Variants in GRID1 observed in about 807,000 individuals in gnomAD.
The protein encoded by GRID1 is glutamate receptor ionotropic, delta-1.
GRID1 carries 28 observed loss-of-function variants against 98.0 expected under a neutral mutation model. The observed-to-expected ratio is 0.29, with a 90% CI of 0.21 to 0.39. GRID1 has a LOEUF of 0.39. GRID1 is among the 10% of genes least tolerant of loss of function. The probability of loss-of-function intolerance (pLI) is 1.00; values close to 1 mark genes in which losing one functional copy is unlikely to be tolerated. For synonymous variants in GRID1, 553 were observed against 538.5 expected, an observed-to-expected ratio of 1.03 and a Z score of -0.37; for missense variants, 1,111 against 1,340.5, an observed-to-expected ratio of 0.83 and a Z score of 2.67.
chr10:85,664,566 G>A (rs1187566636), intron 12 of GRID1, among the ~76,000 whole-genome samples: 1 of 152,174 alleles, frequency 6.6e-6, no homozygotes, highest in Non-Finnish European at 1.5e-5. Context: ...GCCAAAATTA[G>A]CTGTGCTTGG....
chr10:86,018,841 C>T (rs1322219952), intron 4 of GRID1, among the ~76,000 whole-genome samples: 1 of 152,224 alleles, frequency 6.6e-6, no homozygotes, highest in African/African-American at 2.4e-5. Context: ...TTTAACACCA[C>T]CCATACAATA....
intron 3 of GRID1, among the ~76,000 whole-genome samples, chr10:86,191,167 G>A (rs1325950895): frequency 6.6e-6 from 1 of 152,172 alleles, no homozygotes; most frequent in Non-Finnish European, 1.5e-5. Flanking sequence ...CTGTCCAGAG[G>A]GAGGGAGAAA....
chr10:86,017,929 T>C (rs1188885354), intron 4 of GRID1, among the ~76,000 whole-genome samples: 1 of 152,206 alleles, frequency 6.6e-6, no homozygotes, highest in African/African-American at 2.4e-5. Flanking sequence ...GCCCCATCTC[T>C]GAGCCCAACA....
At chr10:86,091,293 G>A (rs1321280191) in intron 4 of GRID1, among the ~76,000 whole-genome samples, 1 of 152,184 alleles carries the variant, frequency 6.6e-6, no homozygotes, top group Non-Finnish European at 1.5e-5. Context: ...GGCTATTGTG[G>A]CGGGCACCGT....
At chr10:86,364,131 C>T (rs529422220) in intron 1 of GRID1, 35 bp from the exon 2 acceptor site, 2 of 1,591,816 alleles carry the variant, frequency 1.3e-6, no homozygotes, top group Admixed American at 3.4e-5. Flanking sequence ...CGGACCTGGA[C>T]AAGAACCCTC....
chr10:86,149,673 T>C (rs1028961844), intron 3 of GRID1, among the ~76,000 whole-genome samples: 3 of 152,276 alleles, frequency 2.0e-5, no homozygotes, highest in African/African-American at 7.2e-5. Context: ...ATTAAGTGCT[T>C]TGAATTAAGT....
At chr10:86,078,977 T>TA (rs1446019954) in intron 4 of GRID1, among the ~76,000 whole-genome samples, 8 of 152,278 alleles carry the variant, frequency 5.3e-5, no homozygotes, top group African/African-American at 1.9e-4. Flanking sequence ...TCAACAGGCA[T>TA]AAGGGAGACC....
chr10:86,260,891 A>AT (rs1189505561), intron 2 of GRID1, among the ~76,000 whole-genome samples: 10 of 152,202 alleles, frequency 6.6e-5, no homozygotes, highest in South Asian at 6.2e-4. Flanking sequence ...AATGTTTTGT[A>AT]TTTTCTGCTT....
chr10:85,992,523 G>A (rs142102778), intron 4 of GRID1, among the ~76,000 whole-genome samples: 1 of 152,120 alleles, frequency 6.6e-6, no homozygotes, highest in East Asian at 1.9e-4. Flanking sequence ...CACTGGGCAT[G>A]AGCCAGATTG....
chr10:86,215,486 T>C (rs914249865), intron 2 of GRID1, among the ~76,000 whole-genome samples: 1 of 152,184 alleles, frequency 6.6e-6, no homozygotes, highest in Non-Finnish European at 1.5e-5. Context: ...CATTAATGAC[T>C]TTTACTGCTC....
chr10:86,080,616 C>T (rs531792572), intron 4 of GRID1, among the ~76,000 whole-genome samples: 1 of 151,984 alleles, frequency 6.6e-6, no homozygotes, highest in Non-Finnish European at 1.5e-5. Flanking sequence ...TGTAGGATGC[C>T]CGGCATCCTC....
At chr10:86,310,660 C>T (rs987740846) in intron 2 of GRID1, among the ~76,000 whole-genome samples, 8 of 152,168 alleles carry the variant, frequency 5.3e-5, no homozygotes, top group African/African-American at 1.9e-4. Context: ...AGGATGGAGA[C>T]TCCAGAAAAG....
At chr10:85,835,036 G>A (rs978311071) in intron 8 of GRID1, among the ~76,000 whole-genome samples, 4 of 152,024 alleles carry the variant, frequency 2.6e-5, no homozygotes, top group African/African-American at 9.7e-5. Flanking sequence ...TAAAAAGTAG[G>A]AGTGACTATA....
At chr10:85,619,551 G>C (rs1223000456) in intron 14 of GRID1, among the ~76,000 whole-genome samples, 1 of 152,130 alleles carries the variant, frequency 6.6e-6, no homozygotes, top group African/African-American at 2.4e-5. Context: ...TCCTGGGTCT[G>C]GTGAGATGCC....
intron 2 of GRID1, chr10:86,264,711 C>T (rs1287031140): frequency 2.1e-6 from 1 of 481,540 alleles, no homozygotes; most frequent in Non-Finnish European, 4.3e-6. Context: ...GCCCAGGCAG[C>T]TGCAGGCCCA....
At chr10:85,689,246 T>C (rs1353964959) in intron 12 of GRID1, among the ~76,000 whole-genome samples, 4 of 152,180 alleles carry the variant, frequency 2.6e-5, no homozygotes, top group South Asian at 2.1e-4. Flanking sequence ...CTGGTACAGA[T>C]AGGCTAATAA....
intron 2 of GRID1, among the ~76,000 whole-genome samples, chr10:86,225,916 T>C (rs903219036): frequency 1.3e-5 from 2 of 152,092 alleles, no homozygotes; most frequent in Non-Finnish European, 2.9e-5. Flanking sequence ...CAGGTCACCA[T>C]CAAGGCTGCA....
chr10:85,741,059 CT>C lies in GRID1; in HGVS notation c.1234-11446del, dbSNP rs1407277075. 3.3e-5 allele frequency among the ~76,000 whole-genome samples: 5 copies of C among 152,032 alleles called. No homozygotes were observed. In the East Asian group the frequency reaches 9.7e-4, roughly 29 times the overall value. ...GAGCCACTGCGCCCAGCCCACATAA[CT>C]TTTTGTTAAGGCAGAGACCATCTCT... On this transcript the variant is annotated intron_variant, in intron 8 of 15. Coordinates refer to ENST00000327946, the MANE Select transcript of GRID1 (RefSeq NM_017551.3).
intron 4 of GRID1, among the ~76,000 whole-genome samples, chr10:86,097,765 C>G (rs1297128982): frequency 1.3e-5 from 2 of 152,140 alleles, no homozygotes; most frequent in African/African-American, 2.4e-5. Flanking sequence ...GAACTCTTGA[C>G]AGTGGTTATC....
Sources: gnomAD v4.1 joint callset for allele counts (sites outside exome capture counted in the v4.1 genomes callset) on GRCh38, gnomAD v4.1.1 for gene constraint, MANE v1.5 for transcripts, NCBI Gene and HGNC (gene_info 2026-07-23, HGNC 2026-07-21) for gene names.